Variants in SDR9C7 observed in about 807,000 individuals in gnomAD.
The protein encoded by SDR9C7 is short-chain dehydrogenase/reductase family 9C member 7.
SDR9C7 carries 11 observed loss-of-function variants against 23.6 expected under a neutral mutation model. The ratio of observed to expected loss-of-function variants is 0.47; its 90% CI spans 0.29 to 0.77. The LOEUF (loss-of-function observed/expected upper bound fraction) is 0.77, where lower values mean the gene tolerates loss of function less well. SDR9C7 is among the 30% of genes least tolerant of loss of function. SDR9C7 has a pLI of 0.09. For synonymous variants in SDR9C7, 167 were observed against 157.3 expected (o/e 1.06, Z -0.46); for missense variants, 387 against 407.1 (o/e 0.95, Z 0.42).
chr12:56,926,514 C>G (rs1291406539), intron 3 of SDR9C7, among the ~76,000 whole-genome samples: 1 of 152,208 alleles, frequency 6.6e-6, no homozygotes, highest in African/African-American at 2.4e-5. Flanking sequence ...CTCTCCCCTC[C>G]TCAATCATCA....
Position 56,934,066 on chromosome 12 carries a change from G to T in SDR9C7, c.196C>A (p.Gln66Lys). The change falls in exon 1 of 4, where the codon CAG (glutamine) becomes AAG (lysine). Residue 66 changes from glutamine to lysine, a missense_variant. Physicochemically the swap from Gln to Lys is moderately conservative, Grantham distance 53 (BLOSUM62 1). Transcript: ENST00000293502. ...CFTEEGSQKLQRDTSYRLQTT... is the reference protein window; with the variant it reads ...CFTEEGSQKLKRDTSYRLQTT... The stretch of plus-strand genomic sequence containing the variant: ...TGCAGCCGATAGGAGGTATCCCGCT[G>T]AAGTTTCTGGGATCCCTCCTCAGTG... The T allele has an allele frequency of 6.2e-7, 1 of 1,614,224 alleles. No individual in the cohort carries two copies.
chr12:56,926,633 T>C (rs745691657), intron 3 of SDR9C7, among the ~76,000 whole-genome samples: 1 of 152,130 alleles, frequency 6.6e-6, no homozygotes, highest in Non-Finnish European at 1.5e-5. Context: ...TAACAATCCA[T>C]GAGAGAGGAA....
At position 56,923,176 on chromosome 12, in the gene SDR9C7, T is replaced by TC. The variant is rs1408107456; in HGVS notation, c.*656dup. The TC allele has an allele frequency of 6.6e-6, 1 of 152,028 alleles. No individual in the cohort carries two copies. The highest frequency in any genetic ancestry group is 2.1e-4 in the South Asian group (1 of 4,810). 9.4% of individuals were successfully genotyped at this position (152,028 alleles called of 1,614,324 possible). A position where few individuals can be genotyped will look rare whatever the true frequency, so the allele number is the denominator to read the frequency against. On this transcript the variant is annotated 3_prime_UTR_variant, in exon 4 of 4. Coordinates refer to ENST00000293502, the MANE Select transcript of SDR9C7 (RefSeq NM_148897.3). ...GACCATGATTTAATCATCTTTATATTCCCCCAGCACCTACAAAGTGCCCGG... is the reference window on the plus strand; with the variant it reads ...GACCATGATTTAATCATCTTTATATTCCCCCCAGCACCTACAAAGTGCCCGG...
intron 1 of SDR9C7, among the ~76,000 whole-genome samples, chr12:56,933,243 C>T (rs967990409): frequency 6.6e-6 from 1 of 152,240 alleles, no homozygotes; most frequent in Admixed American, 6.5e-5. Flanking sequence ...CTCATGGGAT[C>T]CAGCCTCCTG....
intron 1 of SDR9C7, among the ~76,000 whole-genome samples, chr12:56,932,579 T>C (rs968619955): frequency 6.6e-6 from 1 of 152,230 alleles, no homozygotes; most frequent in Non-Finnish European, 1.5e-5. Context: ...GAAACTCACA[T>C]GCTAAGTGAG....
chr12:56,928,916 G>C (rs566524010), intron 3 of SDR9C7, among the ~76,000 whole-genome samples: 1 of 152,284 alleles, frequency 6.6e-6, no homozygotes, highest in East Asian at 1.9e-4. Flanking sequence ...AATGTGCAAA[G>C]TACTTCACAC....
chr12:56,929,230 C>T (rs1955751899), intron 3 of SDR9C7, among the ~76,000 whole-genome samples, 160 bp downstream of exon 3: 1 of 152,138 alleles, frequency 6.6e-6, no homozygotes, highest in Non-Finnish European at 1.5e-5. Flanking sequence ...ATGATTCTGC[C>T]ACTTGCTCTC....
rs773482081 is a variant in SDR9C7, at chr12:56,924,051, C to A, written c.725-1G>T. 1 of 1,604,164 alleles carries A rather than the reference C, an allele frequency of 6.2e-7. No individual in the cohort carries two copies. On this transcript the variant is annotated splice_acceptor_variant, in intron 3 of 3. Transcript: ENST00000293502. LOFTEE classifies it high-confidence loss of function. ...ATTATGTTTTTTAACTTGTCAGTAT[C>A]TGTTTGAGGGCAGAGAGGGGAAAAA...
intron 1 of SDR9C7, among the ~76,000 whole-genome samples, chr12:56,933,490 C>G (rs1016755882): frequency 1.3e-5 from 2 of 152,180 alleles, no homozygotes; most frequent in Admixed American, 6.5e-5. Context: ...TCCTGAGTAG[C>G]TGGGACTACA....
At chr12:56,928,218 T>C (rs568010838) in intron 3 of SDR9C7, among the ~76,000 whole-genome samples, 1 of 152,266 alleles carries the variant, frequency 6.6e-6, no homozygotes, top group East Asian at 1.9e-4. Context: ...CTACCTCCCA[T>C]TGCTTCCCAC....
At position 56,934,046 on chromosome 12, in the gene SDR9C7, C is replaced by A. The variant is rs765599573; in HGVS notation, c.216G>T (p.Arg72=). 2.5e-6 allele frequency: 4 copies of A among 1,614,204 alleles called. No homozygotes were observed. The highest frequency in any genetic ancestry group is 1.7e-5 in the Admixed American group (1 of 60,028). ...SQKLQRDTSY[R]LQTTLLDVTK... Reference sequence around the variant, plus strand: ...TGACATCCAGTAGGGTGGTCTGCAGCCGATAGGAGGTATCCCGCTGAAGTT... The same window carrying A: ...TGACATCCAGTAGGGTGGTCTGCAGACGATAGGAGGTATCCCGCTGAAGTT... Residue 72 remains arginine, a synonymous_variant, in exon 1 of 4, where the codon CGG becomes CGT. Transcript: ENST00000293502.
chr12:56,934,027 C>T lies in SDR9C7; in HGVS notation c.235G>A (p.Asp79Asn). The T allele has an allele frequency of 6.2e-7, 1 of 1,614,194 alleles. No individual in the cohort carries two copies. The highest frequency in any genetic ancestry group is 8.5e-7 in the Non-Finnish European group (1 of 1,180,022). ...TTGATGCTTTCGCTCTTGGTGACAT[C>T]CAGTAGGGTGGTCTGCAGCCGATAG... ...TSYRLQTTLL[D>N]VTKSESIKAA... Residue 79 changes from aspartate to asparagine, a missense_variant, in exon 1 of 4, where the codon GAT (aspartate) becomes AAT (asparagine). Transcript: ENST00000293502.
chr12:56,924,195 T>C (rs556748344), intron 3 of SDR9C7, 145 bp from the exon 4 acceptor site: 5 of 600,822 alleles, frequency 8.3e-6, no homozygotes, highest in African/African-American at 5.6e-5. Context: ...TGGTCCCTTA[T>C]ACAAACACAC....
intron 3 of SDR9C7, among the ~76,000 whole-genome samples, chr12:56,927,191 A>G (rs1035512320): frequency 6.6e-6 from 1 of 152,256 alleles, no homozygotes; most frequent in Admixed American, 6.5e-5. Flanking sequence ...ATTCTTTAGT[A>G]CAATACTAGC....
intron 1 of SDR9C7, 52 bp downstream of exon 1, chr12:56,933,909 G>A (rs1042894858): frequency 4.5e-6 from 7 of 1,553,352 alleles, no homozygotes; most frequent in Non-Finnish European, 6.1e-6. Context: ...TCGGGAGAGA[G>A]GAAGAGGAAG....
At chr12:56,924,170 G>T in intron 3 of SDR9C7, 120 bp from the exon 4 acceptor site, 1 of 654,092 alleles carries the variant, frequency 1.5e-6, no homozygotes, top group Non-Finnish European at 2.6e-6. Context: ...AGGCAGGTCC[G>T]CCACACCCTC....
rs919736234 is a variant in SDR9C7 at position 56,934,030 on chromosome 12, G to A, written c.232C>T (p.Leu78=). The change falls in exon 1 of 4, where the codon CTG becomes TTG. Residue 78 remains leucine (L), a synonymous_variant. Coordinates refer to ENST00000293502, the MANE Select transcript of SDR9C7 (RefSeq NM_148897.3). The part of the protein sequence containing the change: ...DTSYRLQTTL[L]DVTKSESIKA... Reference sequence around the variant, plus strand: ...ATGCTTTCGCTCTTGGTGACATCCAGTAGGGTGGTCTGCAGCCGATAGGAG... The same window carrying A: ...ATGCTTTCGCTCTTGGTGACATCCAATAGGGTGGTCTGCAGCCGATAGGAG... The A allele has an allele frequency of 1.2e-6, 2 of 1,614,214 alleles. No homozygotes were observed. The highest frequency in any genetic ancestry group is 1.7e-6 in the Non-Finnish European group (2 of 1,180,028).
rs749953357 is a variant in SDR9C7 at position 56,934,209 on chromosome 12, T to C, written c.53A>G (p.Asn18Ser). ...SFMYRWFKNC[N>S]LVGNLSEKYV... ...CTTCTCTGAGAGGTTGCCAACCAGA[T>C]TGCAGTTCTTGAACCAGCGATACAT... is the stretch of plus-strand genomic sequence containing the variant. The change falls in exon 1 of 4, where the codon AAT (asparagine) becomes AGT (serine). Residue 18 changes from asparagine (N) to serine (S), a missense_variant. Coordinates refer to ENST00000293502, the MANE Select transcript of SDR9C7 (RefSeq NM_148897.3). 8.7e-6 allele frequency: 14 copies of C among 1,614,094 alleles called. No individual in the cohort carries two copies. The highest frequency in any genetic ancestry group is 1.6e-4 in the Middle Eastern group (1 of 6,084).
In SDR9C7 at chr12:56,929,490, G is replaced by C. The variant is rs754359618; in HGVS notation, c.624C>G (p.Ala208=). The stretch of plus-strand genomic sequence containing the variant: ...ACTCCAGGTTCTCCTTGCCGAGAAT[G>C]GCTGTCCGATAGTTCCCTGGCTCAA... ...CIIEPGNYRT[A]ILGKENLESR... Residue 208 remains alanine, a synonymous_variant, in exon 3 of 4, where the codon GCC becomes GCG. Transcript: ENST00000293502. The C allele has an allele frequency of 1.2e-6, 2 of 1,613,810 alleles. No homozygotes were observed. Among genetic ancestry groups the C allele is most frequent in the Non-Finnish European group, 1.7e-6 (2 of 1,179,740 alleles).
Sources: gnomAD v4.1 joint callset for allele counts (sites outside exome capture counted in the v4.1 genomes callset) on GRCh38, gnomAD v4.1.1 for gene constraint, MANE v1.5 for transcripts, NCBI Gene and HGNC (gene_info 2026-07-23, HGNC 2026-07-21) for gene names.